The following PAPPA variants were observed in gnomAD, a reference collection of about 807,000 sequenced individuals.
PAPPA encodes pappalysin-1.
In PAPPA, 60 loss-of-function variants were observed where a neutral mutation model predicts 164.0. The observed-to-expected ratio is 0.37, with a 90% CI of 0.30 to 0.45. The LOEUF (loss-of-function observed/expected upper bound fraction) is 0.45. Ranked by LOEUF, PAPPA falls within the 20% of genes least tolerant of loss-of-function variation. PAPPA has a pLI of 1.00. For missense variants in PAPPA, 1,782 were observed against 2,087.3 expected, an observed-to-expected ratio of 0.85 and a Z score of 2.85; for synonymous variants, 875 against 814.1, an observed-to-expected ratio of 1.07 and a Z score of -1.27.
intron 6 of PAPPA, 27 bp from the exon 7 acceptor site, chr9:116,235,112 A>G: frequency 6.2e-7 from 1 of 1,612,454 alleles, no homozygotes. Flanking sequence ...TTCCCCAAGA[A>G]CTCATTCCCT....
intron 7 of PAPPA, 148 bp from the exon 8 acceptor site, chr9:116,265,709 C>A: frequency 1.7e-6 from 1 of 591,440 alleles, no homozygotes; most frequent in Non-Finnish European, 3.0e-6. Flanking sequence ...CCATAGTGGA[C>A]AATAGAAAGT....
intron 9 of PAPPA, among the ~76,000 whole-genome samples, chr9:116,281,664 C>T (rs541768881): frequency 1.1e-4 from 17 of 152,302 alleles, no homozygotes; most frequent in African/African-American, 3.8e-4. Flanking sequence ...GCACCCCTGG[C>T]TACCAGGTAT....
intron 7 of PAPPA, among the ~76,000 whole-genome samples, chr9:116,256,072 C>T (rs1164508778): frequency 1.3e-5 from 2 of 150,128 alleles, no homozygotes; most frequent in South Asian, 4.3e-4. Context: ...AACGTAAAAT[C>T]GCTCTGAGGG....
At chr9:116,174,097 T>C in intron 1 of PAPPA, among the ~76,000 whole-genome samples, 1 of 152,310 alleles carries the variant, frequency 6.6e-6, no homozygotes, top group Middle Eastern at 3.4e-3. Flanking sequence ...GTGATAATAA[T>C]AATATTTCCC....
intron 13 of PAPPA, among the ~76,000 whole-genome samples, chr9:116,344,115 G>A (rs1846175711): frequency 6.6e-6 from 1 of 151,986 alleles, no homozygotes; most frequent in East Asian, 1.9e-4. Flanking sequence ...TCTGCTATGC[G>A]TTTTTTTCTA....
At position 116,396,569 on chromosome 9, in the gene PAPPA, G is replaced by A; in HGVS notation, c.4837G>A (p.Ala1613Thr). 1 of 780,820 alleles carries A rather than the reference G, an allele frequency of 1.3e-6. No homozygotes were observed. Among genetic ancestry groups the A allele is most frequent in the Non-Finnish European group, 2.4e-6 (1 of 418,002 alleles). The allele number at this position is 780,820 out of a possible 1,614,324, so 48.4% of individuals were successfully genotyped here. ...QGDCACRDPQ[A>T]QEHSRKDLRG... Reference sequence around the variant, plus strand: ...TGACTGTGCTTGTCGGGACCCCCAGGCCCAAGAACACAGCCGGAAAGACCT... The same window carrying A: ...TGACTGTGCTTGTCGGGACCCCCAGACCCAAGAACACAGCCGGAAAGACCT... The change falls in exon 22 of 22, where the codon GCC (alanine) becomes ACC (threonine). Residue 1613 changes from alanine to threonine, a missense_variant. Physicochemically the swap from Ala to Thr is moderately conservative, Grantham distance 58. Coordinates refer to ENST00000328252, the MANE Select transcript of PAPPA (RefSeq NM_002581.5).
chr9:116,239,061 C>T (rs1844706944), intron 7 of PAPPA, among the ~76,000 whole-genome samples: 1 of 152,170 alleles, frequency 6.6e-6, no homozygotes, highest in Non-Finnish European at 1.5e-5. Flanking sequence ...CAACCCATTA[C>T]ATGATTCCCT....
At chr9:116,335,853 G>C (rs957673816) in intron 13 of PAPPA, among the ~76,000 whole-genome samples, 1 of 152,204 alleles carries the variant, frequency 6.6e-6, no homozygotes, top group Admixed American at 6.5e-5. Flanking sequence ...GGGTGGTTGT[G>C]AGGGTTACAT....
intron 2 of PAPPA, among the ~76,000 whole-genome samples, chr9:116,191,461 T>G (rs1383681187): frequency 1.3e-5 from 2 of 152,198 alleles, no homozygotes; most frequent in African/African-American, 4.8e-5. Flanking sequence ...GCTTCTCTTC[T>G]CTTTAACAGG....
intron 10 of PAPPA, chr9:116,318,782 G>A (rs1845817876): frequency 6.6e-6 from 1 of 152,082 alleles, no homozygotes; most frequent in Non-Finnish European, 1.5e-5. Flanking sequence ...AACAAACACA[G>A]GCCTCATCCC....
intron 5 of PAPPA, among the ~76,000 whole-genome samples, chr9:116,220,569 A>G (rs1441611187): frequency 6.9e-6 from 1 of 145,224 alleles, no homozygotes; most frequent in Non-Finnish European, 1.5e-5. Context: ...TCACGTGTGT[A>G]TATAAGTACA....
intron 2 of PAPPA, among the ~76,000 whole-genome samples, chr9:116,195,987 C>T (rs535257935): frequency 3.9e-5 from 6 of 152,114 alleles, no homozygotes; most frequent in African/African-American, 1.4e-4. Flanking sequence ...TAAGCATTTC[C>T]AGCAAAAAAG....
chr9:116,154,351 C>G lies in PAPPA; in HGVS notation c.179C>G (p.Pro60Arg), dbSNP rs1013155046. Residue 60 changes from proline to arginine, a missense_variant, in exon 1 of 22, where the codon CCG (proline) becomes CGG (arginine). By Grantham distance (103) the Pro-to-Arg change is moderately radical. This residue lies in a region of PAPPA where 458 missense variants were observed against 430.3 expected (regional missense o/e 1.06). Transcript: ENST00000328252. The surrounding 1 kb of genome is among the most constrained non-coding windows in gnomAD (Gnocchi z 5.2). ...GCCCGCGGCCGCCGCGCCTCGCCGC[C>G]GCCGCCGCCGCCGCCGGGCGGTGCC... ...RAARGRRASP[P>R]PPPPPGGAWE... is the part of the protein sequence containing the mutation. The G allele has an allele frequency of 4.9e-6, 4 of 821,238 alleles. No individual in the cohort carries two copies. The African/African-American group carries it at 5.8e-5, about 12-fold the overall frequency. 50.9% of individuals were successfully genotyped at this position (821,238 alleles called of 1,614,324 possible). A position where few individuals can be genotyped will look rare whatever the true frequency, so the allele number is the denominator to read the frequency against.
In PAPPA at chr9:116,398,450, G is replaced by A. The variant is rs1360567614; in HGVS notation, c.*1834G>A. On this transcript the variant is annotated 3_prime_UTR_variant, in exon 22 of 22. Coordinates refer to ENST00000328252, the MANE Select transcript of PAPPA (RefSeq NM_002581.5). ...AGCCCCACCTAATTCCTGCATCCAA[G>A]GCAGGTGTTGTTAATCTATCATAGC... is the stretch of plus-strand genomic sequence containing the variant. The A allele has an allele frequency of 1.8e-6, 1 of 543,538 alleles. No homozygotes were observed. Among genetic ancestry groups the A allele is most frequent in the South Asian group, 2.0e-5 (1 of 51,100 alleles). The allele number at this position is 543,538 out of a possible 1,614,324, so 33.7% of individuals were successfully genotyped here. A position where few individuals can be genotyped will look rare whatever the true frequency, so the allele number is the denominator to read the frequency against.
chr9:116,381,011 C>A (rs1405556089), intron 20 of PAPPA, among the ~76,000 whole-genome samples: 1 of 152,162 alleles, frequency 6.6e-6, no homozygotes, highest in Non-Finnish European at 1.5e-5. Flanking sequence ...TCTTTAGAGA[C>A]CCCAACCAGC....
At chr9:116,162,062 T>C (rs1252180706) in intron 1 of PAPPA, among the ~76,000 whole-genome samples, 1 of 152,116 alleles carries the variant, frequency 6.6e-6, no homozygotes, top group Non-Finnish European at 1.5e-5. Flanking sequence ...CCCTCCTCTC[T>C]GTACACTTGC....
At chr9:116,251,806 T>G (rs928001843) in intron 7 of PAPPA, among the ~76,000 whole-genome samples, 1 of 152,028 alleles carries the variant, frequency 6.6e-6, no homozygotes, top group Non-Finnish European at 1.5e-5. Context: ...TCTTTTCCTC[T>G]CTCCCTTCTT....
intron 9 of PAPPA, among the ~76,000 whole-genome samples, chr9:116,282,560 A>G (rs912643223): frequency 2.0e-5 from 3 of 152,208 alleles, no homozygotes; most frequent in Admixed American, 6.5e-5. Flanking sequence ...CATTAATGCT[A>G]TGAGGTAGTT....
chr9:116,217,625 TCA>T (rs923703032), intron 4 of PAPPA, among the ~76,000 whole-genome samples: 1 of 149,722 alleles, frequency 6.7e-6, no homozygotes, highest in African/African-American at 2.5e-5. Context: ...TTTCTAACAC[TCA>T]CACATACATG....
Sources: allele counts gnomAD v4.1 joint callset (sites outside exome capture counted in the v4.1 genomes callset), GRCh38; gene constraint gnomAD v4.1.1; regional missense constraint gnomAD v4.1.1; non-coding constraint Gnocchi (gnomAD v3.1); transcripts MANE v1.5; gene names NCBI Gene and HGNC (gene_info 2026-07-23, HGNC 2026-07-21).